Variants in CNTNAP2 observed in about 807,000 individuals in gnomAD.
CNTNAP2 encodes the protein contactin-associated protein-like 2.
In CNTNAP2, 98 loss-of-function variants were observed where a neutral mutation model predicts 155.2. That is an observed-to-expected ratio of 0.63 (90% confidence interval 0.54 to 0.75). CNTNAP2 has a LOEUF of 0.75. Among genes scored for constraint, CNTNAP2 ranks in the 30% least tolerant of loss-of-function variants. The pLI is 0.00. For synonymous variants in CNTNAP2, 651 were observed against 631.2 expected (o/e 1.03, Z -0.47); for missense variants, 1,727 against 1,688.1 (o/e 1.02, Z -0.40).
rs184672425 is a variant in CNTNAP2, at chr7:148,001,965, A to G, written c.2383+23976A>G. On this transcript the variant is annotated intron_variant, in intron 15 of 23. Coordinates refer to ENST00000361727, the MANE Select transcript of CNTNAP2 (RefSeq NM_014141.6). ...GTTTTCCAAATGGATGATATCTTCT[A>G]TGTCTGTACATTTTTTATTAAACAT... Among the ~76,000 whole-genome samples, 14 of 152,264 alleles carry G rather than the reference A, an allele frequency of 9.2e-5. 1 individual carries two copies. Among genetic ancestry groups the G allele is most frequent in the African/African-American group, 3.1e-4 (13 of 41,556 alleles).
At chr7:146,560,874 C>A (rs1165329228) in intron 1 of CNTNAP2, among the ~76,000 whole-genome samples, 1 of 152,056 alleles carries the variant, frequency 6.6e-6, no homozygotes, top group Non-Finnish European at 1.5e-5. Flanking sequence ...TCTTTCATTT[C>A]AATTCAAGGG....
At chr7:146,510,579 T>C (rs1797450601) in intron 1 of CNTNAP2, among the ~76,000 whole-genome samples, 1 of 152,232 alleles carries the variant, frequency 6.6e-6, no homozygotes, top group Admixed American at 6.5e-5. Context: ...TTAGATATTT[T>C]CATCATTTTA....
At chr7:148,356,263 C>CT (rs1035153456) in intron 21 of CNTNAP2, among the ~76,000 whole-genome samples, 10 of 152,086 alleles carry the variant, frequency 6.6e-5, no homozygotes, top group Non-Finnish European at 1.3e-4. Context: ...TCAATCTGCA[C>CT]TTTTTTTCCC....
At chr7:147,131,526 T>C (rs978546256) in intron 7 of CNTNAP2, among the ~76,000 whole-genome samples, 11 of 151,990 alleles carry the variant, frequency 7.2e-5, no homozygotes, top group Non-Finnish European at 1.6e-4. Context: ...GGGGAAAGCC[T>C]GAATTATTGC....
At chr7:147,020,703 A>G (rs1414412644) in intron 3 of CNTNAP2, among the ~76,000 whole-genome samples, 2 of 152,200 alleles carry the variant, frequency 1.3e-5, no homozygotes, top group African/African-American at 4.8e-5. Context: ...TGTGTCATCA[A>G]CAACAGGTTT....
intron 1 of CNTNAP2, among the ~76,000 whole-genome samples, chr7:146,139,469 AG>A (rs748968314): frequency 2.0e-5 from 3 of 152,168 alleles, no homozygotes; most frequent in Non-Finnish European, 4.4e-5. Flanking sequence ...TAAATTTAAA[AG>A]GGTTTCTAAA....
At chr7:148,048,413 C>A (rs1477330225) in intron 15 of CNTNAP2, among the ~76,000 whole-genome samples, 1 of 152,108 alleles carries the variant, frequency 6.6e-6, no homozygotes, top group African/African-American at 2.4e-5. Context: ...ACCTCCTTTC[C>A]CCCTCTCCCT....
At chr7:147,803,859 C>G (rs1180212405) in intron 13 of CNTNAP2, among the ~76,000 whole-genome samples, 1 of 152,228 alleles carries the variant, frequency 6.6e-6, no homozygotes, top group Non-Finnish European at 1.5e-5. Context: ...CCACAGAGCT[C>G]TCTCCACAAT....
intron 1 of CNTNAP2, among the ~76,000 whole-genome samples, chr7:146,578,357 A>G (rs143292756): frequency 1.4e-4 from 22 of 152,224 alleles, no homozygotes; most frequent in Non-Finnish European, 3.1e-4. Context: ...TTAATTTCTT[A>G]TTATACAATG....
At chr7:146,143,517 T>G (rs1435531975) in intron 1 of CNTNAP2, among the ~76,000 whole-genome samples, 3 of 152,124 alleles carry the variant, frequency 2.0e-5, no homozygotes, top group African/African-American at 7.2e-5. Context: ...CTTATTTTTA[T>G]TTAAATGACA....
intron 4 of CNTNAP2, among the ~76,000 whole-genome samples, chr7:147,049,943 A>G (rs1425310395): frequency 6.6e-6 from 1 of 152,146 alleles, no homozygotes; most frequent in Non-Finnish European, 1.5e-5. Context: ...TTCCAGGTGG[A>G]GAATTTCGTT....
At chr7:146,838,733 A>G (rs1803664479) in intron 2 of CNTNAP2, among the ~76,000 whole-genome samples, 1 of 152,224 alleles carries the variant, frequency 6.6e-6, no homozygotes, top group Non-Finnish European at 1.5e-5. Flanking sequence ...TGATTTATGA[A>G]ATGATTATTA....
At chr7:147,870,221 G>A (rs980299578) in intron 13 of CNTNAP2, among the ~76,000 whole-genome samples, 13 of 152,134 alleles carry the variant, frequency 8.5e-5, no homozygotes, top group Admixed American at 6.6e-4. Flanking sequence ...AACTGAGAGA[G>A]ACTCAGGCCA....
chr7:146,573,930 TA>T (rs1358801190), intron 1 of CNTNAP2, among the ~76,000 whole-genome samples: 1 of 152,166 alleles, frequency 6.6e-6, no homozygotes, highest in African/African-American at 2.4e-5. Flanking sequence ...ATCTGGCACA[TA>T]AAAAATGTGG....
In CNTNAP2 at chr7:148,072,545, A is replaced by G. The variant is rs532808285; in HGVS notation, c.2384-45573A>G. Among the ~76,000 whole-genome samples, 11 of 152,382 alleles carry G rather than the reference A, an allele frequency of 7.2e-5. No individual in the cohort carries two copies. In the East Asian group the frequency reaches 2.1e-3, roughly 29 times the overall value. ...ATCTCTTCTTTAACCTTTTAAAAAG[A>G]CAAAAGCCATTCTTAGCCTGTGGGT... On this transcript the variant is annotated intron_variant, in intron 15 of 23. Transcript: ENST00000361727.
At chr7:146,290,467 A>G (rs1429540253) in intron 1 of CNTNAP2, among the ~76,000 whole-genome samples, 2 of 152,168 alleles carry the variant, frequency 1.3e-5, no homozygotes, top group Non-Finnish European at 1.5e-5. Flanking sequence ...CCAATTCACA[A>G]TTCTGAAGCA....
chr7:146,625,203 A>T (rs532113363), intron 1 of CNTNAP2, among the ~76,000 whole-genome samples: 19 of 152,104 alleles, frequency 1.2e-4, no homozygotes, highest in Non-Finnish European at 2.7e-4. Context: ...AAGGAGACTC[A>T]GGGAGCAGCA....
intron 2 of CNTNAP2, among the ~76,000 whole-genome samples, chr7:146,829,024 T>C (rs1205642758): frequency 6.6e-6 from 1 of 152,078 alleles, no homozygotes; most frequent in African/African-American, 2.4e-5. Flanking sequence ...TGGGTCTGGC[T>C]TTCATTTTTC....
At position 148,267,172 on chromosome 7, in the gene CNTNAP2, T is replaced by G. The variant is rs114724335; in HGVS notation, c.3475+46T>G. Reference sequence around the variant, plus strand: ...GTATAAATGCGTGCTACAAATACATTTGGGTAATGTGAGTTTGGATTTTAA... The same window carrying G: ...GTATAAATGCGTGCTACAAATACATGTGGGTAATGTGAGTTTGGATTTTAA... On this transcript the variant is annotated intron_variant, in intron 21 of 23. Transcript: ENST00000361727. The G allele has an allele frequency of 1.7e-3, 2,491 of 1,498,786 alleles. 36 individuals carry two copies. The African/African-American group carries it at 0.03, about 18-fold the overall frequency. The allele number at this position is 1,498,786 out of a possible 1,614,324, so 92.8% of individuals were successfully genotyped here. A position where few individuals can be genotyped will look rare whatever the true frequency, so the allele number is the denominator to read the frequency against.
Sources: gnomAD v4.1 joint callset for allele counts (sites outside exome capture counted in the v4.1 genomes callset) on GRCh38, gnomAD v4.1.1 for gene constraint, MANE v1.5 for transcripts, NCBI Gene and HGNC (gene_info 2026-07-23, HGNC 2026-07-21) for gene names.